ANTXR1: variants seen among roughly 807,000 people sequenced by gnomAD.
ANTXR1 encodes ANTXR cell adhesion molecule 1.
A neutral mutation model predicts 78.1 loss-of-function variants in ANTXR1; 19 were observed. That is an observed-to-expected ratio of 0.24 (90% CI 0.17 to 0.36). The LOEUF is 0.36. ANTXR1 is among the 10% of genes least tolerant of loss of function. The pLI, the probability that ANTXR1 is intolerant of heterozygous loss-of-function variation, is 1.00. For missense variants in ANTXR1, 518 were observed against 718.6 expected (o/e 0.72, Z 3.19); for synonymous variants, 273 against 260.5 (o/e 1.05, Z -0.46).
intron 2 of ANTXR1, among the ~76,000 whole-genome samples, chr2:69,044,511 T>G (rs1015400442): frequency 6.6e-6 from 1 of 152,116 alleles, no homozygotes; most frequent in Non-Finnish European, 1.5e-5. Context: ...AGCAATGATA[T>G]CAGGTCAGAA....
chr2:69,115,150 T>A (rs1231228052), intron 10 of ANTXR1, among the ~76,000 whole-genome samples: 1 of 152,242 alleles, frequency 6.6e-6, no homozygotes, highest in Non-Finnish European at 1.5e-5. Context: ...CCTCCCCCAG[T>A]TGCAGTAACC....
Position 69,116,168 on chromosome 2 carries a change from G to A in ANTXR1, c.803-6849G>A, listed in dbSNP as rs575968583. Reference sequence around the variant, plus strand: ...CTCACTCATCTCTGAAAACCTTCTAGCCCAGGGCCTGACACATAGTACATT... The same window carrying A: ...CTCACTCATCTCTGAAAACCTTCTAACCCAGGGCCTGACACATAGTACATT... On this transcript the variant is annotated intron_variant, in intron 10 of 17. Coordinates refer to ENST00000303714, the MANE Select transcript of ANTXR1 (RefSeq NM_032208.3). 1.4e-4 allele frequency among the ~76,000 whole-genome samples: 21 copies of A among 152,206 alleles called. 1 individual carries two copies. Among genetic ancestry groups the A allele is most frequent in the African/African-American group, 4.6e-4 (19 of 41,510 alleles).
At chr2:69,063,245 C>T (rs1357972890) in intron 3 of ANTXR1, among the ~76,000 whole-genome samples, 1 of 150,034 alleles carries the variant, frequency 6.7e-6, no homozygotes, top group African/African-American at 2.4e-5. Flanking sequence ...GCATCATAGT[C>T]AAATTTCTGA....
chr2:69,078,077 C>G (rs1009695788), intron 8 of ANTXR1, among the ~76,000 whole-genome samples: 1 of 152,190 alleles, frequency 6.6e-6, no homozygotes, highest in East Asian at 1.9e-4. Flanking sequence ...AGGGTTTGCA[C>G]GGTCACCAGT....
At chr2:69,065,196 C>A (rs113922211) in intron 3 of ANTXR1, among the ~76,000 whole-genome samples, 1 of 151,908 alleles carries the variant, frequency 6.6e-6, no homozygotes, top group African/African-American at 2.4e-5. Flanking sequence ...GAGGCCGAGG[C>A]GGGCGGATCA....
intron 2 of ANTXR1, among the ~76,000 whole-genome samples, chr2:69,043,501 G>A (rs1044953895): frequency 6.6e-6 from 1 of 152,192 alleles, no homozygotes; most frequent in Non-Finnish European, 1.5e-5. Flanking sequence ...AGTAGTCCCA[G>A]GCAGCACGGG....
chr2:69,233,419 T>TA (rs1385229969), intron 17 of ANTXR1, among the ~76,000 whole-genome samples: 6 of 151,810 alleles, frequency 4.0e-5, no homozygotes, highest in Non-Finnish European at 7.4e-5. Context: ...GTGCAGATAA[T>TA]TTTTATTAGA....
chr2:69,078,238 C>A (rs1670797668), intron 8 of ANTXR1, among the ~76,000 whole-genome samples: 1 of 152,208 alleles, frequency 6.6e-6, no homozygotes, highest in Non-Finnish European at 1.5e-5. Flanking sequence ...AAAGCCTCAG[C>A]CAGCAGGTCA....
At position 69,232,463 on chromosome 2, in the gene ANTXR1, A is replaced by T. The variant is rs895895092; in HGVS notation, c.1435-12762A>T. 2.0e-5 allele frequency among the ~76,000 whole-genome samples: 3 copies of T among 150,356 alleles called. No individual in the cohort carries two copies. In the South Asian group the frequency reaches 6.4e-4, roughly 32 times the overall value. ...CAAAAAAGCACTTAGACACCACTGCACTCCAGCCTAGGCGACAGACCGAGA... is the reference window on the plus strand; with the variant it reads ...CAAAAAAGCACTTAGACACCACTGCTCTCCAGCCTAGGCGACAGACCGAGA... On this transcript the variant is annotated intron_variant, in intron 17 of 17. Transcript: ENST00000303714.
intron 12 of ANTXR1, among the ~76,000 whole-genome samples, chr2:69,134,680 T>A (rs1672860462): frequency 6.6e-6 from 1 of 152,162 alleles, no homozygotes; most frequent in African/African-American, 2.4e-5. Flanking sequence ...GGTTCTTACA[T>A]CTTGAAAATG....
intron 16 of ANTXR1, among the ~76,000 whole-genome samples, chr2:69,184,541 G>A (rs151000431): frequency 8.1e-4 from 124 of 152,290 alleles, no homozygotes; most frequent in African/African-American, 2.6e-3. Flanking sequence ...TGTGACTAAC[G>A]CCACATCTTT....
chr2:69,197,912 A>G (rs1432828053), intron 17 of ANTXR1, among the ~76,000 whole-genome samples: 1 of 152,190 alleles, frequency 6.6e-6, no homozygotes, highest in African/African-American at 2.4e-5. Flanking sequence ...TCCACTTTGC[A>G]AGCTGTTTCT....
intron 8 of ANTXR1, among the ~76,000 whole-genome samples, chr2:69,087,075 C>T (rs1471924879): frequency 6.6e-6 from 1 of 152,148 alleles, no homozygotes; most frequent in Non-Finnish European, 1.5e-5. Flanking sequence ...TTTCTTATCC[C>T]ATTTTACAGC....
At chr2:69,073,938 T>C (rs1390978292) in intron 6 of ANTXR1, among the ~76,000 whole-genome samples, 1 of 152,198 alleles carries the variant, frequency 6.6e-6, no homozygotes, top group African/African-American at 2.4e-5. Context: ...GCATCACACT[T>C]TCCTCAAGCT....
intron 10 of ANTXR1, among the ~76,000 whole-genome samples, chr2:69,108,684 T>C (rs1671887282): frequency 6.6e-6 from 1 of 152,234 alleles, no homozygotes; most frequent in South Asian, 2.1e-4. Flanking sequence ...GTTCTCATCA[T>C]TTAGCTCCCA....
intron 10 of ANTXR1, among the ~76,000 whole-genome samples, chr2:69,122,273 G>A (rs911379644): frequency 9.2e-5 from 14 of 152,098 alleles, no homozygotes; most frequent in Middle Eastern, 3.2e-3. Flanking sequence ...TGTGCTTTCC[G>A]AAGACCTGAC....
chr2:69,217,321 G>T (rs1166163663), intron 17 of ANTXR1, among the ~76,000 whole-genome samples: 1 of 152,216 alleles, frequency 6.6e-6, no homozygotes, highest in African/African-American at 2.4e-5. Context: ...TCCCTAATGA[G>T]GCCTTACTGG....
At chr2:69,090,035 C>G (rs1365337566) in intron 8 of ANTXR1, among the ~76,000 whole-genome samples, 1 of 152,122 alleles carries the variant, frequency 6.6e-6, no homozygotes, top group African/African-American at 2.4e-5. Context: ...TGCTGACTCT[C>G]CACTCAACCC....
At chr2:69,084,340 C>T (rs766254606) in intron 8 of ANTXR1, among the ~76,000 whole-genome samples, 8 of 152,192 alleles carry the variant, frequency 5.3e-5, no homozygotes, top group South Asian at 2.1e-4. Flanking sequence ...TCCTTTGGAT[C>T]GGATTCTCAT....
Sources: gnomAD v4.1 joint callset for allele counts (sites outside exome capture counted in the v4.1 genomes callset) on GRCh38, gnomAD v4.1.1 for gene constraint, MANE v1.5 for transcripts, NCBI Gene and HGNC (gene_info 2026-07-23, HGNC 2026-07-21) for gene names.